TLE4: variants seen among roughly 807,000 people sequenced by gnomAD.
The protein encoded by TLE4 is transducin-like enhancer protein 4.
In TLE4, 8 loss-of-function variants were observed where a neutral mutation model predicts 92.8. The observed-to-expected ratio is 0.09, with a 90% CI of 0.05 to 0.16. The LOEUF is 0.16. Ranked by LOEUF, TLE4 falls within the 10% of genes least tolerant of loss-of-function variation. The pLI, the probability that TLE4 is intolerant of heterozygous loss-of-function variation, is 1.00. For missense variants in TLE4, 675 were observed against 997.6 expected (o/e 0.68, Z 4.36); for synonymous variants, 371 against 374.1 (o/e 0.99, Z 0.10).
At chr9:79,655,355 C>G (rs1278159275) in intron 8 of TLE4, among the ~76,000 whole-genome samples, 1 of 152,104 alleles carries the variant, frequency 6.6e-6, no homozygotes, top group Non-Finnish European at 1.5e-5. Flanking sequence ...TTTAATGGAG[C>G]TATGTATATG....
At chr9:79,696,822 T>C (rs1459616603) in intron 8 of TLE4, among the ~76,000 whole-genome samples, 2 of 152,336 alleles carry the variant, frequency 1.3e-5, no homozygotes, top group East Asian at 3.9e-4. Context: ...CTGTTATGCT[T>C]GTGTTGATAT....
chr9:79,630,079 C>T (rs181776476), intron 6 of TLE4, among the ~76,000 whole-genome samples: 1 of 152,214 alleles, frequency 6.6e-6, no homozygotes, highest in East Asian at 1.9e-4. Flanking sequence ...CATCTAAGCC[C>T]CTGCAGACCC....
intron 6 of TLE4, among the ~76,000 whole-genome samples, chr9:79,636,228 C>G (rs895495594): frequency 6.6e-6 from 1 of 152,104 alleles, no homozygotes; most frequent in Non-Finnish European, 1.5e-5. Context: ...ACTCGGGAGG[C>G]TACTGGATCA....
At chr9:79,621,774 G>T (rs2051058216) in intron 5 of TLE4, among the ~76,000 whole-genome samples, 1 of 152,066 alleles carries the variant, frequency 6.6e-6, no homozygotes, top group Admixed American at 6.6e-5. Context: ...TAGTGCCTGG[G>T]GTACTCTGGC....
At chr9:79,622,866 T>G (rs191751273) in intron 5 of TLE4, among the ~76,000 whole-genome samples, 99 of 152,312 alleles carry the variant, frequency 6.5e-4, no homozygotes, top group Non-Finnish European at 1.1e-3. Context: ...GCTCTGTGTA[T>G]GAGTTCATCA....
chr9:79,622,261 G>A (rs1184962382), intron 5 of TLE4, among the ~76,000 whole-genome samples: 1 of 151,786 alleles, frequency 6.6e-6, no homozygotes, highest in Non-Finnish European at 1.5e-5. Flanking sequence ...AAGTGTTCTT[G>A]CTTATGTGTC....
chr9:79,684,767 T>C (rs532140918), intron 8 of TLE4, among the ~76,000 whole-genome samples: 1 of 152,140 alleles, frequency 6.6e-6, no homozygotes, highest in Admixed American at 6.5e-5. Flanking sequence ...TTGGCACTAG[T>C]CCAGAGTCTA....
At chr9:79,696,730 A>G (rs974403862) in intron 8 of TLE4, among the ~76,000 whole-genome samples, 2 of 152,244 alleles carry the variant, frequency 1.3e-5, no homozygotes, top group African/African-American at 4.8e-5. Flanking sequence ...ATTCTGGTCC[A>G]TTAAGATACA....
At chr9:79,671,994 AC>A (rs2062446731) in intron 8 of TLE4, among the ~76,000 whole-genome samples, 1 of 69,464 alleles carries the variant, frequency 1.4e-5, no homozygotes, top group African/African-American at 6.3e-5. Flanking sequence ...GAAACAAAAC[AC>A]TTTTTTTTTT....
At chr9:79,631,717 GTA>G (rs2054301357) in intron 6 of TLE4, among the ~76,000 whole-genome samples, 1 of 146,542 alleles carries the variant, frequency 6.8e-6, no homozygotes, top group Admixed American at 6.9e-5. Context: ...GTTTAAAAAT[GTA>G]TGTCTCTTCT....
chr9:79,592,212 CTTCCTCTTCT>C (rs2042797216), intron 4 of TLE4, among the ~76,000 whole-genome samples: 2 of 128,896 alleles, frequency 1.6e-5, no homozygotes, highest in African/African-American at 6.8e-5. Context: ...TCTTCTTCTT[CTTCCTCTTCT>C]TCTTCTTCTT....
intron 4 of TLE4, among the ~76,000 whole-genome samples, chr9:79,596,860 G>A (rs2044162106): frequency 6.6e-6 from 1 of 152,142 alleles, no homozygotes; most frequent in Non-Finnish European, 1.5e-5. Flanking sequence ...GCTTATTAAA[G>A]TCATGGTTTA....
intron 8 of TLE4, among the ~76,000 whole-genome samples, chr9:79,700,211 A>G (rs1313166563): frequency 3.9e-5 from 6 of 152,228 alleles, no homozygotes; most frequent in Admixed American, 3.9e-4. Context: ...GCTGAGACTA[A>G]GCAACATCCC....
At chr9:79,627,757 TATAGATTGCCCTGACGTTA>T in intron 6 of TLE4, 1 of 308,742 alleles carries the variant, frequency 3.2e-6, no homozygotes, top group South Asian at 4.5e-5. Flanking sequence ...AAAAAAGAGA[TATAGATTGCCCTGACGTTA>T]AAATGACCTG....
chr9:79,662,727 C>G (rs147599372), intron 8 of TLE4, among the ~76,000 whole-genome samples: 1 of 152,060 alleles, frequency 6.6e-6, no homozygotes, highest in African/African-American at 2.4e-5. Flanking sequence ...TAAGGGGCCC[C>G]GGGTTCCTGT....
intron 8 of TLE4, among the ~76,000 whole-genome samples, chr9:79,667,497 C>T (rs890448952): frequency 2.6e-5 from 4 of 152,094 alleles, no homozygotes; most frequent in Non-Finnish European, 4.4e-5. Context: ...TAAAATATAA[C>T]ATACATATAC....
intron 4 of TLE4, among the ~76,000 whole-genome samples, chr9:79,602,981 G>A (rs1029101999): frequency 6.6e-6 from 1 of 152,058 alleles, no homozygotes; most frequent in Non-Finnish European, 1.5e-5. Context: ...CCTTTGGAGG[G>A]GTTCAAGACC....
intron 8 of TLE4, among the ~76,000 whole-genome samples, chr9:79,678,949 A>G (rs1034828349): frequency 6.6e-6 from 1 of 152,044 alleles, no homozygotes; most frequent in African/African-American, 2.4e-5. Flanking sequence ...AAGGACAGGA[A>G]CTCATCATTT....
chr9:79,611,336 A>G (rs1179832256), intron 4 of TLE4, among the ~76,000 whole-genome samples: 1 of 152,014 alleles, frequency 6.6e-6, no homozygotes, highest in Non-Finnish European at 1.5e-5. Context: ...TTTTGTCCAT[A>G]CTGTTAGGAA....
Sources: gnomAD v4.1 joint callset for allele counts (sites outside exome capture counted in the v4.1 genomes callset) on GRCh38, gnomAD v4.1.1 for gene constraint, MANE v1.5 for transcripts, NCBI Gene and HGNC (gene_info 2026-07-23, HGNC 2026-07-21) for gene names.